The following NELL2 variants were observed in gnomAD, a reference collection of about 807,000 sequenced individuals.
NELL2 encodes neural EGFL like 2.
Under a neutral mutation model 109.6 loss-of-function variants are expected in NELL2, and 41 were observed. That is an observed-to-expected ratio of 0.37 (90% CI 0.29 to 0.49). NELL2 has a LOEUF of 0.49. Among genes scored for constraint, NELL2 ranks in the 20% least tolerant of loss-of-function variants. NELL2 has a pLI of 0.98. For missense variants in NELL2, 900 were observed against 1,008.3 expected (o/e 0.89, Z 1.45); for synonymous variants, 355 against 344.7 (o/e 1.03, Z -0.33).
chr12:44,517,502 C>T (rs1273040802), intron 19 of NELL2, among the ~76,000 whole-genome samples: 1 of 151,026 alleles, frequency 6.6e-6, no homozygotes, highest in Non-Finnish European at 1.5e-5. Flanking sequence ...GAACTGTAAG[C>T]CAATTAAACC....
intron 5 of NELL2, among the ~76,000 whole-genome samples, chr12:44,778,315 T>C (rs768569455): frequency 5.9e-5 from 9 of 152,164 alleles, no homozygotes; most frequent in Non-Finnish European, 7.4e-5. Context: ...TATTTAAGTA[T>C]TTTTACTGTG....
At chr12:44,698,065 T>C (rs1949115657) in intron 12 of NELL2, among the ~76,000 whole-genome samples, 1 of 152,092 alleles carries the variant, frequency 6.6e-6, no homozygotes, top group Non-Finnish European at 1.5e-5. Flanking sequence ...GTTCACATAG[T>C]GTAATTTCCC....
chr12:44,617,278 C>T (rs1945854092), intron 13 of NELL2, among the ~76,000 whole-genome samples: 1 of 152,080 alleles, frequency 6.6e-6, no homozygotes, highest in African/African-American at 2.4e-5. Context: ...GTATATAGTA[C>T]ATATTCTAAT....
intron 10 of NELL2, among the ~76,000 whole-genome samples, chr12:44,714,084 T>C (rs1440085653): frequency 2.0e-5 from 3 of 151,906 alleles, no homozygotes; most frequent in Non-Finnish European, 4.4e-5. Flanking sequence ...GTGAAACATA[T>C]TTAGTTTTTC....
chr12:44,553,217 T>C (rs1248729955), intron 15 of NELL2, among the ~76,000 whole-genome samples: 1 of 148,880 alleles, frequency 6.7e-6, no homozygotes, highest in African/African-American at 2.5e-5. Context: ...CATGTATACA[T>C]ATGTAACTAA....
At chr12:44,561,410 G>A (rs2136182232) in intron 15 of NELL2, among the ~76,000 whole-genome samples, 1 of 152,252 alleles carries the variant, frequency 6.6e-6, no homozygotes, top group East Asian at 1.9e-4. Context: ...CAGATGACAT[G>A]ATTTTATATT....
At chr12:44,551,218 C>T (rs1943034105) in intron 15 of NELL2, among the ~76,000 whole-genome samples, 1 of 152,130 alleles carries the variant, frequency 6.6e-6, no homozygotes. Context: ...TCCCCTAATT[C>T]AATACTATAT....
chr12:44,788,128 G>A (rs1942248876), intron 3 of NELL2, among the ~76,000 whole-genome samples: 2 of 152,160 alleles, frequency 1.3e-5, no homozygotes, highest in South Asian at 4.1e-4. Context: ...AGAACGTGGG[G>A]AGAATGGTAT....
intron 11 of NELL2, among the ~76,000 whole-genome samples, chr12:44,704,862 T>C (rs1021536557): frequency 1.3e-4 from 20 of 151,614 alleles, no homozygotes; most frequent in African/African-American, 4.8e-4. Context: ...GTACTAAAAA[T>C]ATAAAAATTA....
chr12:44,816,201 G>T (rs1943344179), intron 2 of NELL2, 65 bp from the exon 3 acceptor site: 2 of 1,368,678 alleles, frequency 1.5e-6, no homozygotes, highest in Non-Finnish European at 2.0e-6. Context: ...TCTTTTACAT[G>T]TAACATCTTT....
chr12:44,551,783 A>G (rs914059402), intron 15 of NELL2, among the ~76,000 whole-genome samples: 3 of 152,236 alleles, frequency 2.0e-5, no homozygotes, highest in Non-Finnish European at 1.5e-5. Flanking sequence ...TTAGTGCCCA[A>G]CTTGGACTGA....
intron 15 of NELL2, among the ~76,000 whole-genome samples, chr12:44,570,997 G>A (rs146305867): frequency 6.0e-4 from 91 of 152,230 alleles, no homozygotes; most frequent in African/African-American, 2.1e-3. Context: ...CTTCTATAAG[G>A]AATCAAGGTC....
chr12:44,842,366 T>C (rs1218977651), intron 2 of NELL2, among the ~76,000 whole-genome samples: 2 of 152,122 alleles, frequency 1.3e-5, no homozygotes, highest in Non-Finnish European at 2.9e-5. Flanking sequence ...CAATAAACCA[T>C]ACTGGAACAA....
intron 15 of NELL2, among the ~76,000 whole-genome samples, chr12:44,554,089 C>T (rs1943147540): frequency 6.6e-6 from 1 of 152,142 alleles, no homozygotes. Context: ...CGGCATATTA[C>T]TATATTATCA....
chr12:44,701,243 A>C (rs1366458917), intron 12 of NELL2, among the ~76,000 whole-genome samples: 1 of 152,136 alleles, frequency 6.6e-6, no homozygotes, highest in East Asian at 1.9e-4. Flanking sequence ...AACAAAAGAT[A>C]TATTAGAAGT....
At chr12:44,725,410 T>C (rs930874371) in intron 9 of NELL2, among the ~76,000 whole-genome samples, 2 of 152,102 alleles carry the variant, frequency 1.3e-5, no homozygotes, top group South Asian at 2.1e-4. Flanking sequence ...GGTGGGAGTG[T>C]AAATTAGTTC....
chr12:44,774,414 C>A (rs7138022), intron 9 of NELL2, among the ~76,000 whole-genome samples: 38 of 151,978 alleles, frequency 2.5e-4, no homozygotes, highest in Non-Finnish European at 4.6e-4. Flanking sequence ...TTATTGCAGC[C>A]GTGTGAACCA....
At chr12:44,866,205 G>T (rs2658951) in intron 2 of NELL2, among the ~76,000 whole-genome samples, 3 of 152,052 alleles carry the variant, frequency 2.0e-5, no homozygotes, top group Non-Finnish European at 4.4e-5. Context: ...TTAGCCTCCA[G>T]AATTGTGAGA....
intron 3 of NELL2, among the ~76,000 whole-genome samples, chr12:44,795,052 G>A (rs911434751): frequency 2.0e-5 from 3 of 152,112 alleles, no homozygotes; most frequent in Non-Finnish European, 4.4e-5. Context: ...AATAGGCAAC[G>A]GTGGCAGGGC....
Sources: gnomAD v4.1 joint callset for allele counts (sites outside exome capture counted in the v4.1 genomes callset) on GRCh38, gnomAD v4.1.1 for gene constraint, MANE v1.5 for transcripts, NCBI Gene and HGNC (gene_info 2026-07-23, HGNC 2026-07-21) for gene names.